The following PC variants were observed in gnomAD, a reference collection of about 807,000 sequenced individuals.
PC encodes the protein pyruvate carboxylase.
Under a neutral mutation model 107.8 loss-of-function variants are expected in PC, and 46 were observed. That is an observed-to-expected ratio of 0.43 (90% CI 0.34 to 0.55). The LOEUF (loss-of-function observed/expected upper bound fraction) is 0.55. Among genes scored for constraint, PC ranks in the 20% least tolerant of loss-of-function variants. PC has a pLI of 0.04. For missense variants in PC, 1,241 were observed against 1,643.1 expected, an observed-to-expected ratio of 0.76 and a Z score of 4.23; for synonymous variants, 662 against 684.7, an observed-to-expected ratio of 0.97 and a Z score of 0.52.
chr11:66,945,427 G>T lies in PC; in HGVS notation c.-1+7003C>A, dbSNP rs868271209. Among the ~76,000 whole-genome samples the T allele has an allele frequency of 5.8e-5, 5 of 86,140 alleles. 1 individual carries two copies. The highest frequency in any genetic ancestry group is 1.0e-4 in the Admixed American group (1 of 9,768). The allele number at this position is 86,140 out of a possible 152,430, so 56.5% of individuals were successfully genotyped here. ...CTGAATTCAAATGGTTTGGGGGGGCGGGTCGGAACTGCAGAGTTACATGAG... is the reference window on the plus strand; with the variant it reads ...CTGAATTCAAATGGTTTGGGGGGGCTGGTCGGAACTGCAGAGTTACATGAG... On this transcript the variant is annotated intron_variant, in intron 3 of 22. Transcript: ENST00000393960.
chr11:66,923,884 C>CAA (rs71045969), intron 3 of PC, among the ~76,000 whole-genome samples: 360 of 110,952 alleles, frequency 3.2e-3, no homozygotes, highest in African/African-American at 5.8e-3. Context: ...GACCTCAAGG[C>CAA]AAAAAAAAAA....
intron 3 of PC, among the ~76,000 whole-genome samples, chr11:66,917,999 C>T (rs1215851344): frequency 1.3e-5 from 2 of 152,122 alleles, no homozygotes; most frequent in Non-Finnish European, 2.9e-5. Context: ...GAGCACCCAC[C>T]ATCAATTGCA....
At chr11:66,924,926 AAG>A (rs1351154341) in intron 3 of PC, among the ~76,000 whole-genome samples, 1 of 152,172 alleles carries the variant, frequency 6.6e-6, no homozygotes, top group African/African-American at 2.4e-5. Context: ...CAGAGTACAA[AAG>A]AGAGAAATTT....
intron 12 of PC, among the ~76,000 whole-genome samples, chr11:66,863,462 A>G (rs570396180): frequency 6.6e-6 from 1 of 152,348 alleles, no homozygotes; most frequent in South Asian, 2.1e-4. Flanking sequence ...ATTCCAGGTG[A>G]TTCTCACCCC....
chr11:66,886,247 C>A (rs185368116), intron 3 of PC, among the ~76,000 whole-genome samples: 1 of 150,074 alleles, frequency 6.7e-6, no homozygotes, highest in African/African-American at 2.4e-5. Context: ...GGTGCTGGGG[C>A]GGCTGGAGCA....
chr11:66,863,278 TGCAG>T, intron 12 of PC, among the ~76,000 whole-genome samples: 1 of 152,244 alleles, frequency 6.6e-6, no homozygotes, highest in Non-Finnish European at 1.5e-5. Context: ...AGGCAGAGCT[TGCAG>T]TGAGCCGAGA....
At position 66,850,877 on chromosome 11, in the gene PC, C is replaced by G; in HGVS notation, c.2270G>C (p.Ser757Thr). ...GTCGGGGAAGCGGTCCCGGAGGGAG[C>G]TGACCAGCATGGTGCAGGCCGTGGG... is the stretch of plus-strand genomic sequence containing the variant. ...LKPTACTMLVSSLRDRFPDLP... is the reference protein window; with the variant it reads ...LKPTACTMLVTSLRDRFPDLP... Residue 757 changes from serine to threonine, a missense_variant, in exon 18 of 23, where the codon AGC becomes ACC. Physicochemically the swap from Ser to Thr is moderately conservative, Grantham distance 58. Around this residue, in one of 2 missense-constraint regions of PC, gnomAD observed 1,143 missense variants for 1,551.9 expected, o/e 0.74. Coordinates refer to ENST00000393960, the MANE Select transcript of PC (RefSeq NM_001040716.2). 2 of 1,611,136 alleles carry G rather than the reference C, an allele frequency of 1.2e-6. No individual in the cohort carries two copies.
In PC at chr11:66,944,340, A is replaced by C. The variant is rs533782414; in HGVS notation, c.-1+8090T>G. On this transcript the variant is annotated intron_variant, in intron 3 of 22. Coordinates refer to ENST00000393960, the MANE Select transcript of PC (RefSeq NM_001040716.2). ...ACACCTGTAATCCCAGCACTTTGGG[A>C]GGCCAAGGCAGGCGGATCACTTGAG... Among the ~76,000 whole-genome samples, 82 of 115,504 alleles carry C rather than the reference A, an allele frequency of 7.1e-4. 16 individuals are homozygous for C. The South Asian group carries it at 0.018, about 25-fold the overall frequency. The allele number at this position is 115,504 out of a possible 152,430, so 75.8% of individuals were successfully genotyped here.
At chr11:66,862,681 G>A (rs1385513155) in intron 12 of PC, among the ~76,000 whole-genome samples, 3 of 152,242 alleles carry the variant, frequency 2.0e-5, no homozygotes, top group Non-Finnish European at 4.4e-5. Flanking sequence ...TTCAAAGGCC[G>A]AGGCGGCATT....
rs372714626 is a variant in PC, at chr11:66,878,181, C to A, written c.1-6022G>T. 7.4e-4 allele frequency among the ~76,000 whole-genome samples: 113 copies of A among 152,294 alleles called. 4 individuals carry two copies. The South Asian group carries it at 0.022, about 30-fold the overall frequency. ...TGGCCTGCCTATAGGTGAGCAGCCT[C>A]ACAGCTGGCAGCAGCCCACTGGCAC... On this transcript the variant is annotated intron_variant, in intron 3 of 22. Coordinates refer to ENST00000393960, the MANE Select transcript of PC (RefSeq NM_001040716.2).
chr11:66,890,891 G>C (rs2136010768), intron 3 of PC, among the ~76,000 whole-genome samples: 1 of 152,188 alleles, frequency 6.6e-6, no homozygotes, highest in African/African-American at 2.4e-5. Context: ...CAGGTACATA[G>C]AGTTCATTAT....
chr11:66,865,301 C>T (rs1946444616), intron 11 of PC, among the ~76,000 whole-genome samples: 1 of 152,264 alleles, frequency 6.6e-6, no homozygotes, highest in African/African-American at 2.4e-5. Flanking sequence ...CCGCCCCACA[C>T]AAGCCCGGGG....
Position 66,930,963 on chromosome 11 carries a change from T to A in PC, c.-1+21467A>T, listed in dbSNP as rs184417731. Among the ~76,000 whole-genome samples, 10 of 152,064 alleles carry A rather than the reference T, an allele frequency of 6.6e-5. No individual in the cohort carries two copies. The East Asian group carries it at 1.9e-3, about 29-fold the overall frequency. ...TGTAATGCTGAGCAAGTCACAGAAA[T>A]CTACTGTAGGATTCCATGTCCAGGT... On this transcript the variant is annotated intron_variant, in intron 3 of 22. Transcript: ENST00000393960.
chr11:66,893,677 T>TCG (rs2136019020), intron 3 of PC, among the ~76,000 whole-genome samples: 1 of 152,266 alleles, frequency 6.6e-6, no homozygotes, highest in Admixed American at 6.5e-5. Flanking sequence ...ACACCTTCTT[T>TCG]CTCTCTCTCC....
chr11:66,943,332 C>G (rs974106103), intron 3 of PC, among the ~76,000 whole-genome samples: 8 of 151,962 alleles, frequency 5.3e-5, no homozygotes, highest in African/African-American at 1.9e-4. Flanking sequence ...TCCCTTCCAC[C>G]CTGTGAGGAC....
At chr11:66,923,226 G>T (rs1426201270) in intron 3 of PC, among the ~76,000 whole-genome samples, 1 of 152,042 alleles carries the variant, frequency 6.6e-6, no homozygotes. Context: ...GCTGGGCGGG[G>T]TGGCATGCAA....
rs565114360 is a variant in PC, at chr11:66,910,760, G to A, written c.1-38601C>T. Among the ~76,000 whole-genome samples the A allele has an allele frequency of 2.0e-4, 31 of 152,308 alleles. No homozygotes were observed. In the South Asian group the frequency reaches 4.1e-3, roughly 20 times the overall value. ...AACCACTTTGTGATACCAGCTCCAGGCCAGAGAGCAAAGGCTCTGGATTGA... is the reference window on the plus strand; with the variant it reads ...AACCACTTTGTGATACCAGCTCCAGACCAGAGAGCAAAGGCTCTGGATTGA... On this transcript the variant is annotated intron_variant, in intron 3 of 22. Transcript: ENST00000393960.
chr11:66,876,771 G>C (rs563608986), intron 3 of PC, among the ~76,000 whole-genome samples: 7 of 152,292 alleles, frequency 4.6e-5, no homozygotes, highest in Non-Finnish European at 1.0e-4. Context: ...CTCCTCCTGG[G>C]CACCAAATGT....
rs1053842091 is a variant in PC at position 66,852,399 on chromosome 11, C to T, written c.1825+40G>A. 7 of 1,515,040 alleles carry T rather than the reference C, an allele frequency of 4.6e-6. No homozygotes were observed. In the East Asian group the frequency reaches 6.7e-5, roughly 15 times the overall value. The allele number at this position is 1,515,040 out of a possible 1,614,324, so 93.8% of individuals were successfully genotyped here. On this transcript the variant is annotated intron_variant, in intron 15 of 22. Transcript: ENST00000393960. The surrounding 1 kb of genome is among the most constrained non-coding windows in gnomAD (Gnocchi z 4.7). Reference sequence around the variant, plus strand: ...CCTGTGGGACTGGCCACAGAGCGGGCGCCCATTCCTACCAGGCGCTGCGCA... The same window carrying T: ...CCTGTGGGACTGGCCACAGAGCGGGTGCCCATTCCTACCAGGCGCTGCGCA...
Sources: gnomAD v4.1 joint callset for allele counts (sites outside exome capture counted in the v4.1 genomes callset) on GRCh38, gnomAD v4.1.1 for gene constraint, gnomAD v4.1.1 regional missense constraint, Gnocchi (gnomAD v3.1) non-coding constraint, MANE v1.5 for transcripts, NCBI Gene and HGNC (gene_info 2026-07-23, HGNC 2026-07-21) for gene names.